Variants in CCDC88C observed in about 807,000 individuals in gnomAD.
CCDC88C encodes coiled-coil and HOOK domain protein 88C.
A neutral mutation model predicts 198.8 loss-of-function variants in CCDC88C; 131 were observed. The ratio of observed to expected loss-of-function variants is 0.66; its 90% CI spans 0.57 to 0.76. CCDC88C has a LOEUF of 0.76. CCDC88C is among the 30% of genes least tolerant of loss of function. The pLI is 0.00. For missense variants in CCDC88C, 2,553 were observed against 2,631.6 expected, an observed-to-expected ratio of 0.97 and a Z score of 0.65; for synonymous variants, 1,166 against 1,114.7, an observed-to-expected ratio of 1.05 and a Z score of -0.92.
At chr14:91,360,489 G>A (rs773800794) in intron 3 of CCDC88C, among the ~76,000 whole-genome samples, 1 of 152,172 alleles carries the variant, frequency 6.6e-6, no homozygotes, top group Non-Finnish European at 1.5e-5. Context: ...TTAAAGAGAT[G>A]CTACTGAGCC....
intron 10 of CCDC88C, among the ~76,000 whole-genome samples, chr14:91,335,432 T>C (rs1893008666): frequency 6.6e-6 from 1 of 152,004 alleles, no homozygotes; most frequent in Non-Finnish European, 1.5e-5. Flanking sequence ...GCACGCTGCT[T>C]TCTCGGGCTT....
intron 10 of CCDC88C, among the ~76,000 whole-genome samples, chr14:91,332,522 C>T (rs1892880114): frequency 6.6e-6 from 1 of 152,200 alleles, no homozygotes; most frequent in African/African-American, 2.4e-5. Flanking sequence ...AGCCCGGGTC[C>T]TTTATCTTGT....
chr14:91,344,247 C>CATCAA (rs11282282), intron 4 of CCDC88C, among the ~76,000 whole-genome samples: 1 of 151,384 alleles, frequency 6.6e-6, no homozygotes, highest in African/African-American at 2.4e-5. Flanking sequence ...CTTTTTAGCG[C>CATCAA]GTAAGCAAAG....
chr14:91,299,644 G>A (rs1265112459), intron 21 of CCDC88C, among the ~76,000 whole-genome samples: 2 of 152,228 alleles, frequency 1.3e-5, no homozygotes, highest in African/African-American at 4.8e-5. Flanking sequence ...TATGCCAGAT[G>A]ATGAATTCAC....
In CCDC88C at chr14:91,289,026, C is replaced by T. The variant is rs143556433; in HGVS notation, c.4441+79G>A. 1,987 of 1,182,692 alleles carry T rather than the reference C, an allele frequency of 1.7e-3. 18 individuals are homozygous for T. The African/African-American group carries it at 0.025, about 15-fold the overall frequency. 73.3% of individuals were successfully genotyped at this position (1,182,692 alleles called of 1,614,324 possible). ...CCCACCCCTGGCACGTTCCTGCACA[C>T]GTGTGCACAGCCACCGGTGCGGGAC... On this transcript the variant is annotated intron_variant, in intron 25 of 29. Coordinates refer to ENST00000389857, the MANE Select transcript of CCDC88C (RefSeq NM_001080414.4).
rs1891739513 is a variant in CCDC88C, at chr14:91,309,871, C to T, written c.2852G>A (p.Ser951Asn). 3.1e-6 allele frequency: 5 copies of T among 1,611,022 alleles called. No individual in the cohort carries two copies. The African/African-American group carries it at 4.0e-5, about 13-fold the overall frequency. Residue 951 changes from serine (S) to asparagine (N), a missense_variant, in exon 16 of 30, where the codon AGC becomes AAC. By Grantham distance (46) the Ser-to-Asn change is conservative. Around this residue, in one of 2 missense-constraint regions of CCDC88C, gnomAD observed 1,260 missense variants for 1,412.0 expected, o/e 0.89. Transcript: ENST00000389857. The part of the protein sequence containing the change: ...NRELLLQEDD[S>N]GSDTKYKILE... Reference sequence around the variant, plus strand: ...AAGAGGCCCTCACGTGTCACTGCCGCTGTCGTCCTCCTGCAACAGCAGCTC... The same window carrying T: ...AAGAGGCCCTCACGTGTCACTGCCGTTGTCGTCCTCCTGCAACAGCAGCTC...
intron 29 of CCDC88C, among the ~76,000 whole-genome samples, chr14:91,275,818 C>CGT (rs1889934554): frequency 1.2e-5 from 1 of 82,310 alleles, no homozygotes; most frequent in Non-Finnish European, 2.2e-5. Flanking sequence ...ACCAGTGGTT[C>CGT]TTTTTTTTTT....
chr14:91,378,519 G>C (rs1476959788), intron 3 of CCDC88C: 2 of 152,538 alleles, frequency 1.3e-5, no homozygotes, highest in Non-Finnish European at 2.9e-5. Context: ...ACACCCACCA[G>C]CTGAAACAAA....
In CCDC88C at chr14:91,338,076, T is replaced by C; in HGVS notation, c.979A>G (p.Arg327Gly). 4 of 1,613,846 alleles carry C rather than the reference T, an allele frequency of 2.5e-6. No individual in the cohort carries two copies. The highest frequency in any genetic ancestry group is 3.4e-6 in the Non-Finnish European group (4 of 1,179,880). The change falls in exon 10 of 30, where the codon AGG becomes GGG. Residue 327 changes from arginine to glycine, a missense_variant. Transcript: ENST00000389857. The surrounding 1 kb of genome is among the most constrained non-coding windows in gnomAD (Gnocchi z 4.8). ...SLREKANRVE[R>G]LELELTRCKE... The stretch of plus-strand genomic sequence containing the variant: ...CAGCGGGTCAGCTCCAGCTCCAGCC[T>C]CTCCACGCGGTTCGCCTTCTCCCGC...
intron 3 of CCDC88C, among the ~76,000 whole-genome samples, chr14:91,393,214 T>A (rs1162607572): frequency 6.6e-6 from 1 of 152,034 alleles, no homozygotes; most frequent in Non-Finnish European, 1.5e-5. Flanking sequence ...TTGCCCCAGG[T>A]CACACCAGTG....
At chr14:91,317,683 G>GC in intron 13 of CCDC88C, among the ~76,000 whole-genome samples, 1 of 152,370 alleles carries the variant, frequency 6.6e-6, no homozygotes, top group Admixed American at 6.5e-5. Context: ...ACACAGGACA[G>GC]CCCTGCCTGC....
In CCDC88C at chr14:91,321,277, A is replaced by G; in HGVS notation, c.1370T>C (p.Leu457Pro). ...DASRKSFVFELNECASSRILK... is the reference protein window; with the variant it reads ...DASRKSFVFEPNECASSRILK... ...GATGCGGCTGGACGCACATTCGTTC[A>G]GCTCAAACACAAACGACTTCCTGGA... Residue 457 changes from leucine (L) to proline (P), a missense_variant, in exon 13 of 30, where the codon CTG (leucine) becomes CCG (proline). Around this residue, in one of 2 missense-constraint regions of CCDC88C, gnomAD observed 1,260 missense variants for 1,412.0 expected, o/e 0.89. Coordinates refer to ENST00000389857, the MANE Select transcript of CCDC88C (RefSeq NM_001080414.4). 6.4e-7 allele frequency: 1 copy of G among 1,565,602 alleles called. No homozygotes were observed. The highest frequency in any genetic ancestry group is 8.7e-7 in the Non-Finnish European group (1 of 1,154,394).
At chr14:91,281,368 C>T (rs535142010) in intron 27 of CCDC88C, 89 bp downstream of exon 27, 62 of 1,597,118 alleles carry the variant, frequency 3.9e-5, no homozygotes, top group Middle Eastern at 1.7e-4. Context: ...GTTGGACTCC[C>T]GTACAGGACT....
chr14:91,388,628 G>A (rs1001021367), intron 3 of CCDC88C, among the ~76,000 whole-genome samples: 7 of 152,198 alleles, frequency 4.6e-5, no homozygotes, highest in Admixed American at 1.3e-4. Flanking sequence ...GTATAAACAA[G>A]AAACACACAC....
At chr14:91,322,902 C>G (rs1046449199) in intron 12 of CCDC88C, among the ~76,000 whole-genome samples, 24 of 108,648 alleles carry the variant, frequency 2.2e-4, no homozygotes, top group Non-Finnish European at 4.6e-4. Context: ...GCCAGTGTTT[C>G]TCTTTTTTTT....
intron 3 of CCDC88C, chr14:91,379,849 C>A (rs1408084112): frequency 7.1e-6 from 5 of 702,900 alleles, no homozygotes; most frequent in Non-Finnish European, 1.3e-5. Context: ...GCTGTGTCTG[C>A]CCGCAAGAAG....
At chr14:91,354,773 AC>A (rs1893970796) in intron 4 of CCDC88C, among the ~76,000 whole-genome samples, 1 of 152,202 alleles carries the variant, frequency 6.6e-6, no homozygotes, top group Admixed American at 6.5e-5. Context: ...GAACGCACTG[AC>A]AACAACAACA....
At chr14:91,336,970 T>G (rs894984772) in intron 10 of CCDC88C, among the ~76,000 whole-genome samples, 2 of 152,224 alleles carry the variant, frequency 1.3e-5, no homozygotes, top group Non-Finnish European at 2.9e-5. Context: ...AGGAGAGACG[T>G]TGGGATTATT....
chr14:91,368,887 C>T (rs148193132), intron 3 of CCDC88C, among the ~76,000 whole-genome samples: 88 of 152,338 alleles, frequency 5.8e-4, no homozygotes, highest in African/African-American at 1.7e-3. Flanking sequence ...AACCACCTGA[C>T]GACCTGGCAC....
Sources: allele counts gnomAD v4.1 joint callset (sites outside exome capture counted in the v4.1 genomes callset), GRCh38; gene constraint gnomAD v4.1.1; regional missense constraint gnomAD v4.1.1; non-coding constraint Gnocchi (gnomAD v3.1); transcripts MANE v1.5; gene names NCBI Gene and HGNC (gene_info 2026-07-23, HGNC 2026-07-21).